DIAPH2: variants seen among roughly 807,000 people sequenced by gnomAD.
DIAPH2 encodes diaphanous related formin 2.
DIAPH2 carries 35 observed loss-of-function variants against 92.7 expected under a neutral mutation model. The observed-to-expected ratio is 0.38, with a 90% CI of 0.29 to 0.50. The LOEUF (loss-of-function observed/expected upper bound fraction) is 0.50. Ranked by LOEUF, DIAPH2 falls within the 20% of genes least tolerant of loss-of-function variation. The pLI is 0.94. For missense variants in DIAPH2, 701 were observed against 819.5 expected (o/e 0.86, Z 1.77); for synonymous variants, 301 against 280.4 (o/e 1.07, Z -0.73).
At chrX:96,799,235 G>GGCTA (rs2147646895) in intron 4 of DIAPH2, among the ~76,000 whole-genome samples, 1 of 111,193 alleles carries the variant, frequency 9.0e-6, no homozygotes, top group Non-Finnish European at 1.9e-5. Flanking sequence ...AAGGCTGGGT[G>GGCTA]GCTATAGGGC....
intron 4 of DIAPH2, among the ~76,000 whole-genome samples, chrX:96,875,037 A>G: frequency 8.9e-6 from 1 of 112,201 alleles, no homozygotes; most frequent in East Asian, 2.8e-4. Flanking sequence ...GTCACAGATA[A>G]AATGTGGCCA....
intron 22 of DIAPH2, among the ~76,000 whole-genome samples, chrX:97,222,173 G>C (rs763048927): frequency 1.5e-5 from 1 of 66,316 alleles, no homozygotes. Flanking sequence ...GGAGGGTCTA[G>C]ATGATGATGA....
At chrX:97,545,533 A>AAAAAAAAT (rs1260118151) in intron 26 of DIAPH2, among the ~76,000 whole-genome samples, 8 of 79,358 alleles carry the variant, frequency 1.0e-4, no homozygotes, top group African/African-American at 4.0e-4. Flanking sequence ...AAAAAAAAAA[A>AAAAAAAAT]ATATATATAT....
intron 22 of DIAPH2, among the ~76,000 whole-genome samples, chrX:97,201,035 C>A (rs1227318691): frequency 9.1e-6 from 1 of 109,970 alleles, no homozygotes; most frequent in Non-Finnish European, 1.9e-5. Context: ...TGAACAGGGT[C>A]TGGAGTGGAT....
chrX:97,309,678 A>G lies in DIAPH2; in HGVS notation c.2845-38438A>G, dbSNP rs190716187. Among the ~76,000 whole-genome samples, 22 of 112,285 alleles carry G rather than the reference A, an allele frequency of 2.0e-4. No individual in the cohort carries two copies. The East Asian group carries it at 5.8e-3, about 30-fold the overall frequency. ...GAATGTTTCCCAGTAACTTATCTGT[A>G]TCTACAAAGAAAGTGCTATGTTTAG... On this transcript the variant is annotated intron_variant, in intron 23 of 26. Coordinates refer to ENST00000324765, the MANE Select transcript of DIAPH2 (RefSeq NM_006729.5).
chrX:97,490,647 T>A (rs1374745974), intron 26 of DIAPH2, among the ~76,000 whole-genome samples: 1 of 111,254 alleles, frequency 9.0e-6, no homozygotes, highest in African/African-American at 3.3e-5. Flanking sequence ...ATTTTTTTTT[T>A]AATTTCTTCA....
At chrX:96,965,781 T>C (rs1204955245) in intron 17 of DIAPH2, among the ~76,000 whole-genome samples, 2 of 111,987 alleles carry the variant, frequency 1.8e-5, no homozygotes, top group Non-Finnish European at 3.8e-5. Context: ...AGATCCTTTA[T>C]TTATTTGCTT....
intron 4 of DIAPH2, among the ~76,000 whole-genome samples, chrX:96,869,671 T>C (rs1427706446): frequency 9.0e-6 from 1 of 110,572 alleles, no homozygotes; most frequent in Non-Finnish European, 1.9e-5. Context: ...TTGAATAATT[T>C]AGGTGAACAG....
chrX:97,021,198 C>CT (rs780745757), intron 17 of DIAPH2, among the ~76,000 whole-genome samples: 19 of 108,123 alleles, frequency 1.8e-4, no homozygotes, highest in African/African-American at 3.0e-4. Context: ...CAAAGAAAGA[C>CT]TTTTTTTTTT....
At chrX:97,114,641 T>A in intron 20 of DIAPH2, 85 bp from the exon 21 acceptor site, 1 of 848,752 alleles carries the variant, frequency 1.2e-6, no homozygotes, top group Non-Finnish European at 1.6e-6. Context: ...AATGTTACAG[T>A]GTTGTCTATG....
intron 21 of DIAPH2, 150 bp downstream of exon 21, chrX:97,115,115 CAA>C (rs1470241923): frequency 6.1e-6 from 3 of 490,580 alleles, no homozygotes; most frequent in Non-Finnish European, 9.2e-6. Flanking sequence ...TCAATTCAAA[CAA>C]ATAATTTTTT....
chrX:96,893,304 T>C (rs978182135), intron 5 of DIAPH2, among the ~76,000 whole-genome samples: 2 of 111,236 alleles, frequency 1.8e-5, no homozygotes, highest in African/African-American at 6.5e-5. Flanking sequence ...GATCCAAGTT[T>C]CTTTGTGTGG....
In DIAPH2 at chrX:97,371,665, T is replaced by C. The variant is rs1329103081; in HGVS notation, c.3010-12244T>C. Among the ~76,000 whole-genome samples, 4 of 111,150 alleles carry C rather than the reference T, an allele frequency of 3.6e-5. No individual in the cohort carries two copies. In the Admixed American group the frequency reaches 3.8e-4, roughly 11 times the overall value. ...TTGTCAAGGTAATTTGATATTCTTA[T>C]CCAAGTCTCTAAGGTGCTTTTGCCA... On this transcript the variant is annotated intron_variant, in intron 24 of 26. Coordinates refer to ENST00000324765, the MANE Select transcript of DIAPH2 (RefSeq NM_006729.5).
chrX:96,819,386 T>C (rs2064762778), intron 4 of DIAPH2, among the ~76,000 whole-genome samples: 3 of 112,668 alleles, frequency 2.7e-5, no homozygotes, highest in Admixed American at 9.4e-5. Context: ...TCCTGTTTTC[T>C]CTCGATATTT....
intron 22 of DIAPH2, among the ~76,000 whole-genome samples, chrX:97,224,370 G>A (rs1056802530): frequency 9.0e-6 from 1 of 111,724 alleles, no homozygotes; most frequent in African/African-American, 3.2e-5. Context: ...GAACAATGAG[G>A]CCCATCAATA....
At chrX:96,922,373 C>T (rs186438408) in intron 9 of DIAPH2, among the ~76,000 whole-genome samples, 1 of 111,335 alleles carries the variant, frequency 9.0e-6, no homozygotes, top group East Asian at 2.8e-4. Flanking sequence ...TTCCTCAACA[C>T]TTCTTTCTTT....
chrX:97,103,996 T>C (rs2066922587), intron 20 of DIAPH2, among the ~76,000 whole-genome samples: 1 of 111,896 alleles, frequency 8.9e-6, no homozygotes, highest in African/African-American at 3.2e-5. Context: ...GCTTAATTTT[T>C]GCTTTCCCAG....
intron 19 of DIAPH2, among the ~76,000 whole-genome samples, chrX:97,093,400 C>T (rs941427776): frequency 3.6e-5 from 4 of 111,197 alleles, no homozygotes; most frequent in South Asian, 3.9e-4. Flanking sequence ...AAACTGTCTT[C>T]GGCCTGGAGT....
rs1348308093 is a variant in DIAPH2 at position 97,192,315 on chromosome X, GA to G, written c.2719+50525del. On this transcript the variant is annotated intron_variant, in intron 22 of 26. Coordinates refer to ENST00000324765, the MANE Select transcript of DIAPH2 (RefSeq NM_006729.5). ...TCTCAAAAAAAAAAAAAAAAAAAAA[GA>G]AAAGAAAAGAAAAGTACTTTTTCAA... is the stretch of plus-strand genomic sequence containing the variant. Among the ~76,000 whole-genome samples, 120 of 79,547 alleles carry G rather than the reference GA, an allele frequency of 1.5e-3. 1 individual carries two copies. The highest frequency in any genetic ancestry group is 8.8e-3 in the African/African-American group (116 of 13,238). The allele number at this position is 79,547 out of a possible 115,157, so 69.1% of individuals were successfully genotyped here. A position where few individuals can be genotyped will look rare whatever the true frequency, so the allele number is the denominator to read the frequency against.
Sources: allele counts gnomAD v4.1 joint callset (sites outside exome capture counted in the v4.1 genomes callset), GRCh38; gene constraint gnomAD v4.1.1; transcripts MANE v1.5; gene names NCBI Gene and HGNC (gene_info 2026-07-23, HGNC 2026-07-21).